Variants in NEK7 observed in about 807,000 individuals in gnomAD.
The protein encoded by NEK7 is serine/threonine-protein kinase Nek7.
NEK7 carries 18 observed loss-of-function variants against 44.6 expected under a neutral mutation model. That is an observed-to-expected ratio of 0.40 (90% confidence interval 0.28 to 0.60). NEK7 has a LOEUF of 0.60. Ranked by LOEUF, NEK7 falls within the 20% of genes least tolerant of loss-of-function variation. NEK7 has a pLI of 0.38. For missense variants in NEK7, 256 were observed against 366.5 expected (o/e 0.70, Z 2.46); for synonymous variants, 130 against 121.1 (o/e 1.07, Z -0.48).
At chr1:198,289,486 AG>A (rs1654480602) in intron 7 of NEK7, among the ~76,000 whole-genome samples, 1 of 152,112 alleles carries the variant, frequency 6.6e-6, no homozygotes, top group Non-Finnish European at 1.5e-5. Flanking sequence ...CTTACAGATG[AG>A]GGAAGGAAAT....
chr1:198,302,119 C>G (rs1433450843), intron 9 of NEK7, among the ~76,000 whole-genome samples: 1 of 152,040 alleles, frequency 6.6e-6, no homozygotes. Flanking sequence ...CATTTTATGA[C>G]TTTATACCTC....
At chr1:198,297,968 T>C (rs926608972) in intron 9 of NEK7, among the ~76,000 whole-genome samples, 5 of 152,178 alleles carry the variant, frequency 3.3e-5, no homozygotes, top group African/African-American at 1.2e-4. Flanking sequence ...TGTCCAGTCT[T>C]TCATTGAACA....
rs1265353934 is a variant in NEK7 at position 198,319,746 on chromosome 1, A to G, written c.*224A>G. On this transcript the variant is annotated 3_prime_UTR_variant, in exon 10 of 10. Coordinates refer to ENST00000367385, the MANE Select transcript of NEK7 (RefSeq NM_133494.3). ...ACTGAATTGCATGTTAGGAGAGAAA[A>G]TGAAACATGATGGTTTTGAATGGCT... 2.5e-6 allele frequency: 1 copy of G among 405,924 alleles called. No individual in the cohort carries two copies. Among genetic ancestry groups the G allele is most frequent in the Non-Finnish European group, 4.4e-6 (1 of 228,798 alleles). 25.1% of individuals were successfully genotyped at this position (405,924 alleles called of 1,614,324 possible). A position where few individuals can be genotyped will look rare whatever the true frequency, so the allele number is the denominator to read the frequency against.
rs1302376236 is a variant in NEK7 at position 198,259,576 on chromosome 1, G to C, written c.199-2999G>C. 2.0e-5 allele frequency among the ~76,000 whole-genome samples: 3 copies of C among 152,224 alleles called. No individual in the cohort carries two copies. The East Asian group carries it at 5.8e-4, about 29-fold the overall frequency. ...GGCATCAGCATTTATGATGTGTCAAGAATCAGTTATTTCTCATGCCATTTT... is the reference window on the plus strand; with the variant it reads ...GGCATCAGCATTTATGATGTGTCAACAATCAGTTATTTCTCATGCCATTTT... On this transcript the variant is annotated intron_variant, in intron 3 of 9. Transcript: ENST00000367385.
chr1:198,243,339 A>G (rs1666742163), intron 2 of NEK7, among the ~76,000 whole-genome samples: 2 of 152,136 alleles, frequency 1.3e-5, no homozygotes, highest in Admixed American at 6.6e-5. Flanking sequence ...TCTTTGTGCT[A>G]TATCCTCCCC....
intron 8 of NEK7, among the ~76,000 whole-genome samples, chr1:198,295,461 G>A (rs188381015): frequency 2.6e-5 from 4 of 152,108 alleles, no homozygotes; most frequent in Admixed American, 2.6e-4. Context: ...GGGAGGAGAG[G>A]GCGAGCAGCT....
intron 9 of NEK7, among the ~76,000 whole-genome samples, chr1:198,301,455 C>T (rs747812730): frequency 5.3e-5 from 8 of 152,184 alleles, no homozygotes; most frequent in Non-Finnish European, 8.8e-5. Flanking sequence ...GAGGCTGAGG[C>T]GGGAGAATGG....
intron 2 of NEK7, among the ~76,000 whole-genome samples, chr1:198,251,122 C>T (rs571773834): frequency 1.3e-5 from 2 of 151,882 alleles, no homozygotes; most frequent in East Asian, 2.0e-4. Flanking sequence ...GCCTTTTCTG[C>T]ATCTATTGAG....
At position 198,157,232 on chromosome 1, in the gene NEK7, C is replaced by G. The variant is rs938380010; in HGVS notation, c.-73C>G. ...CGCCGCGCCGAGCCACCCGCCCGCC[C>G]AAGGTCTCTCGCGGGCGGGAGAACG... On this transcript the variant is annotated 5_prime_UTR_variant, in exon 1 of 10. Coordinates refer to ENST00000367385, the MANE Select transcript of NEK7 (RefSeq NM_133494.3). 4.6e-5 allele frequency: 7 copies of G among 152,000 alleles called. No homozygotes were observed. The highest frequency in any genetic ancestry group is 1.7e-4 in the African/African-American group (7 of 41,400). The allele number at this position is 152,000 out of a possible 1,614,324, so 9.4% of individuals were successfully genotyped here.
intron 2 of NEK7, among the ~76,000 whole-genome samples, chr1:198,250,259 AC>A (rs1408831922): frequency 1.3e-5 from 2 of 148,296 alleles, no homozygotes; most frequent in African/African-American, 5.0e-5. Flanking sequence ...TGGTACCAGT[AC>A]CATGCTGTTT....
chr1:198,307,880 A>C (rs942073606), intron 9 of NEK7, among the ~76,000 whole-genome samples: 4 of 152,038 alleles, frequency 2.6e-5, no homozygotes, highest in Non-Finnish European at 5.9e-5. Flanking sequence ...ATTAAGCATC[A>C]TGAGAAATTC....
chr1:198,296,821 C>G (rs186435643), intron 8 of NEK7, among the ~76,000 whole-genome samples: 8 of 152,136 alleles, frequency 5.3e-5, no homozygotes, highest in African/African-American at 1.7e-4. Context: ...ATTATAGGTA[C>G]AAAGAGTTTT....
chr1:198,292,981 A>C lies in NEK7; in HGVS notation c.626A>C (p.His209Pro). 1 of 1,602,172 alleles carries C rather than the reference A, an allele frequency of 6.2e-7. No individual in the cohort carries two copies. The highest frequency in any genetic ancestry group is 8.5e-7 in the Non-Finnish European group (1 of 1,169,596). Reference protein sequence around the residue: ...TPYYMSPERIHENGYNFKSDI... With the variant: ...TPYYMSPERIPENGYNFKSDI... Reference sequence around the variant, plus strand: ...TATTACATGTCTCCAGAGAGAATACATGAAAATGGATACAACTTCAAATCT... The same window carrying C: ...TATTACATGTCTCCAGAGAGAATACCTGAAAATGGATACAACTTCAAATCT... Residue 209 changes from histidine (H) to proline (P), a missense_variant, in exon 8 of 10, where the codon CAT becomes CCT. By Grantham distance (77) the His-to-Pro change is moderately conservative. Coordinates refer to ENST00000367385, the MANE Select transcript of NEK7 (RefSeq NM_133494.3).
chr1:198,278,701 CAA>C (rs920316034), intron 6 of NEK7, among the ~76,000 whole-genome samples: 1 of 151,634 alleles, frequency 6.6e-6, no homozygotes, highest in Non-Finnish European at 1.5e-5. Flanking sequence ...AAATGGAAAA[CAA>C]AATGCATTTG....
chr1:198,183,997 C>T (rs1664843064), intron 1 of NEK7, among the ~76,000 whole-genome samples: 1 of 152,086 alleles, frequency 6.6e-6, no homozygotes, highest in African/African-American at 2.4e-5. Flanking sequence ...CTTACTTGAA[C>T]ATTATGTATG....
chr1:198,180,152 C>T (rs373812904), intron 1 of NEK7, among the ~76,000 whole-genome samples: 7 of 150,544 alleles, frequency 4.6e-5, no homozygotes, highest in East Asian at 1.9e-4. Context: ...TTAAAAATCA[C>T]GGCCAGAGAG....
intron 5 of NEK7, among the ~76,000 whole-genome samples, chr1:198,277,469 CT>C (rs754498217): frequency 8.3e-4 from 126 of 151,930 alleles, no homozygotes; most frequent in Non-Finnish European, 6.3e-4. Flanking sequence ...TTCATGAAAA[CT>C]TTCTACATAA....
chr1:198,239,030 G>A (rs948637607), intron 2 of NEK7, among the ~76,000 whole-genome samples: 2 of 152,048 alleles, frequency 1.3e-5, no homozygotes, highest in African/African-American at 2.4e-5. Flanking sequence ...TTGAATCTGC[G>A]AATTCCCTAT....
intron 1 of NEK7, among the ~76,000 whole-genome samples, chr1:198,192,961 C>G (rs1056872239): frequency 6.6e-6 from 1 of 151,050 alleles, no homozygotes; most frequent in Non-Finnish European, 1.5e-5. Context: ...TAACCAAGAT[C>G]AGAGCAGACC....
Sources: allele counts gnomAD v4.1 joint callset (sites outside exome capture counted in the v4.1 genomes callset), GRCh38; gene constraint gnomAD v4.1.1; transcripts MANE v1.5; gene names NCBI Gene and HGNC (gene_info 2026-07-23, HGNC 2026-07-21).